The following TMEM132D variants were observed in gnomAD, a reference collection of about 807,000 sequenced individuals.
TMEM132D encodes the protein mature OL transmembrane protein.
A neutral mutation model predicts 62.3 loss-of-function variants in TMEM132D; 21 were observed. That is an observed-to-expected ratio of 0.34 (90% CI 0.24 to 0.49). The LOEUF is 0.49. Ranked by LOEUF, TMEM132D falls within the 20% of genes least tolerant of loss-of-function variation. The pLI is 0.99. For synonymous variants in TMEM132D, 621 were observed against 575.6 expected (o/e 1.08, Z -1.13); for missense variants, 1,346 against 1,402.8 (o/e 0.96, Z 0.65).
At chr12:129,256,615 T>A (rs1216291842) in intron 4 of TMEM132D, among the ~76,000 whole-genome samples, 3 of 152,128 alleles carry the variant, frequency 2.0e-5, no homozygotes, top group Non-Finnish European at 2.9e-5. Flanking sequence ...AGAGATGGAG[T>A]TTCGCGATGT....
chr12:129,260,946 A>T (rs1880534512), intron 4 of TMEM132D, among the ~76,000 whole-genome samples: 1 of 152,178 alleles, frequency 6.6e-6, no homozygotes, highest in Non-Finnish European at 1.5e-5. Context: ...ATATCTTTGC[A>T]ATTGCAAAAT....
chr12:129,338,896 A>G (rs1869376062), intron 3 of TMEM132D, among the ~76,000 whole-genome samples: 1 of 152,144 alleles, frequency 6.6e-6, no homozygotes, highest in Non-Finnish European at 1.5e-5. Context: ...CTTGTTCTCA[A>G]TAGGAGGGAT....
At chr12:129,188,760 AG>A (rs1373785931) in intron 5 of TMEM132D, among the ~76,000 whole-genome samples, 23 of 60,070 alleles carry the variant, frequency 3.8e-4, no homozygotes, top group Non-Finnish European at 7.7e-5. Context: ...GGAGGGAGAG[AG>A]GGAGAGAGAG....
At position 129,664,421 on chromosome 12, in the gene TMEM132D, ATTTT is replaced by A. The variant is rs34308998; in HGVS notation, c.968+35385_968+35388del. 7.0e-5 allele frequency among the ~76,000 whole-genome samples: 8 copies of A among 114,240 alleles called. No individual in the cohort carries two copies. The South Asian group carries it at 2.5e-3, about 36-fold the overall frequency. The allele number at this position is 114,240 out of a possible 152,430, so 74.9% of individuals were successfully genotyped here. A position where few individuals can be genotyped will look rare whatever the true frequency, so the allele number is the denominator to read the frequency against. ...ATCTTGACATTCTACAATTACAAGA[ATTTT>A]TTTTTTTTTTTTTTTTTGAGACAGA... On this transcript the variant is annotated intron_variant, in intron 2 of 8. Coordinates refer to ENST00000422113, the MANE Select transcript of TMEM132D (RefSeq NM_133448.3).
intron 3 of TMEM132D, chr12:129,521,660 C>T (rs926964592): frequency 6.6e-6 from 1 of 152,222 alleles, no homozygotes. Flanking sequence ...CCCCTTGTGT[C>T]TGGCTTCCTT....
At chr12:129,137,094 TCACCACCATCAC>T (rs1565975566) in intron 5 of TMEM132D, among the ~76,000 whole-genome samples, 3 of 150,794 alleles carry the variant, frequency 2.0e-5, no homozygotes, top group South Asian at 2.1e-4. Flanking sequence ...ATTACTATCA[TCACCACCATCAC>T]CACCACCATC....
At chr12:129,264,010 C>T (rs1204539547) in intron 4 of TMEM132D, among the ~76,000 whole-genome samples, 4 of 152,174 alleles carry the variant, frequency 2.6e-5, no homozygotes, top group Non-Finnish European at 4.4e-5. Flanking sequence ...CATCAGGCTC[C>T]GTACTCTGTC....
At chr12:129,374,196 GC>G in intron 3 of TMEM132D, among the ~76,000 whole-genome samples, 1 of 151,986 alleles carries the variant, frequency 6.6e-6, no homozygotes, top group Non-Finnish European at 1.5e-5. Flanking sequence ...AGATCAGGGT[GC>G]TAGCATGGTC....
At chr12:129,673,446 T>C (rs1287120801) in intron 2 of TMEM132D, among the ~76,000 whole-genome samples, 1 of 152,216 alleles carries the variant, frequency 6.6e-6, no homozygotes, top group Non-Finnish European at 1.5e-5. Flanking sequence ...ATAAAAACTT[T>C]TTACATTTTG....
intron 3 of TMEM132D, among the ~76,000 whole-genome samples, chr12:129,366,844 G>C (rs561221633): frequency 2.4e-4 from 37 of 152,356 alleles, no homozygotes; most frequent in Non-Finnish European, 3.1e-4. Flanking sequence ...CACACACACA[G>C]AGAGATGGGC....
chr12:129,316,838 T>C (rs980582393), intron 4 of TMEM132D, among the ~76,000 whole-genome samples: 1 of 152,178 alleles, frequency 6.6e-6, no homozygotes, highest in African/African-American at 2.4e-5. Context: ...CAGTGTTAGG[T>C]GCATATATGT....
intron 4 of TMEM132D, among the ~76,000 whole-genome samples, chr12:129,332,666 A>G (rs1258803146): frequency 6.6e-6 from 1 of 152,190 alleles, no homozygotes; most frequent in Non-Finnish European, 1.5e-5. Flanking sequence ...GAGATGAGGG[A>G]TTTCCATTAT....
chr12:129,543,836 C>G (rs1026694806), intron 2 of TMEM132D, among the ~76,000 whole-genome samples: 1 of 152,204 alleles, frequency 6.6e-6, no homozygotes, highest in Non-Finnish European at 1.5e-5. Flanking sequence ...TTTTTCTACA[C>G]ATACTAATCC....
At chr12:129,264,599 G>A (rs1880638198) in intron 4 of TMEM132D, among the ~76,000 whole-genome samples, 1 of 152,178 alleles carries the variant, frequency 6.6e-6, no homozygotes, top group South Asian at 2.1e-4. Flanking sequence ...GTCATTATCT[G>A]AAAATGATAC....
chr12:129,544,586 T>A (rs1030893348), intron 2 of TMEM132D, among the ~76,000 whole-genome samples: 1 of 152,352 alleles, frequency 6.6e-6, no homozygotes, highest in Non-Finnish European at 1.5e-5. Flanking sequence ...TATTTTAATA[T>A]CTGGTAGGGC....
chr12:129,263,937 G>C (rs190729258), intron 4 of TMEM132D, among the ~76,000 whole-genome samples: 49 of 152,300 alleles, frequency 3.2e-4, no homozygotes, highest in Middle Eastern at 3.4e-3. Context: ...CTTGGTTCCT[G>C]TAACTGAAGA....
intron 5 of TMEM132D, among the ~76,000 whole-genome samples, chr12:129,208,274 G>A (rs1878916766): frequency 6.6e-6 from 1 of 152,192 alleles, no homozygotes. Flanking sequence ...GAAGGCTTGG[G>A]TGTGCAGAGA....
intron 1 of TMEM132D, among the ~76,000 whole-genome samples, chr12:129,781,530 CT>C (rs34685159): frequency 6.6e-6 from 1 of 152,114 alleles, no homozygotes; most frequent in African/African-American, 2.4e-5. Context: ...GTTTACTGTT[CT>C]TTTTTCCCCC....
At chr12:129,744,291 G>T (rs905463903) in intron 1 of TMEM132D, among the ~76,000 whole-genome samples, 1 of 152,080 alleles carries the variant, frequency 6.6e-6, no homozygotes, top group South Asian at 2.1e-4. Context: ...TGTTGAGATC[G>T]CTCCAAGGAT....
Sources: gnomAD v4.1 joint callset for allele counts (sites outside exome capture counted in the v4.1 genomes callset) on GRCh38, gnomAD v4.1.1 for gene constraint, MANE v1.5 for transcripts, NCBI Gene and HGNC (gene_info 2026-07-23, HGNC 2026-07-21) for gene names.